APP: variants seen among roughly 807,000 people sequenced by gnomAD.
APP encodes the protein amyloid-beta precursor protein.
A neutral mutation model predicts 101.4 loss-of-function variants in APP; 31 were observed. That is an observed-to-expected ratio of 0.31 (90% CI 0.23 to 0.41). The LOEUF (loss-of-function observed/expected upper bound fraction) is 0.41, where lower values mean the gene tolerates loss of function less well. Ranked by LOEUF, APP falls within the 10% of genes least tolerant of loss-of-function variation. The pLI is 1.00. For missense variants in APP, 839 were observed against 1,003.7 expected, an observed-to-expected ratio of 0.84 and a Z score of 2.22; for synonymous variants, 366 against 364.4, an observed-to-expected ratio of 1.00 and a Z score of -0.05.
At chr21:26,011,544 T>C (rs921667548) in intron 6 of APP, among the ~76,000 whole-genome samples, 4 of 151,982 alleles carry the variant, frequency 2.6e-5, no homozygotes, top group Non-Finnish European at 4.4e-5. Context: ...CAGCTAAACA[T>C]CCTACAATGC....
At chr21:26,097,781 T>A (rs144008566) in intron 2 of APP, among the ~76,000 whole-genome samples, 22 of 152,268 alleles carry the variant, frequency 1.4e-4, no homozygotes, top group Non-Finnish European at 3.1e-4. Context: ...GTACATGAAA[T>A]AATTTTAAGA....
At chr21:25,998,475 C>T (rs952296128) in intron 7 of APP, among the ~76,000 whole-genome samples, 2 of 151,838 alleles carry the variant, frequency 1.3e-5, no homozygotes, top group Non-Finnish European at 1.5e-5. Context: ...CATTCACTGG[C>T]GATGGCAGGA....
chr21:26,058,418 T>C (rs1053952395), intron 3 of APP, among the ~76,000 whole-genome samples: 1 of 152,202 alleles, frequency 6.6e-6, no homozygotes, highest in South Asian at 2.1e-4. Context: ...GGAATTCTTT[T>C]AGAAAGGAAA....
chr21:25,969,905 A>AGGGAGGGGAGGGGAGGGGAAGGGAGGG, intron 11 of APP, among the ~76,000 whole-genome samples: 1 of 79,442 alleles, frequency 1.3e-5, no homozygotes. Context: ...AGAGAAGAGA[A>AGGGAGGGGAGGGGAGGGGAAGGGAGGG]GAGGGGAGGG....
At chr21:26,024,312 G>GA (rs926377354) in intron 5 of APP, among the ~76,000 whole-genome samples, 109 of 140,456 alleles carry the variant, frequency 7.8e-4, no homozygotes, top group African/African-American at 2.7e-3. Context: ...TACCCAGAAG[G>GA]AAAAAAAAAA....
At chr21:26,132,423 C>T (rs193153883) in intron 1 of APP, among the ~76,000 whole-genome samples, 1 of 152,284 alleles carries the variant, frequency 6.6e-6, no homozygotes, top group East Asian at 1.9e-4. Context: ...TCAAAATCTA[C>T]AAAAAGAACA....
chr21:25,989,482 G>T (rs1230893892), intron 8 of APP, among the ~76,000 whole-genome samples: 3 of 152,128 alleles, frequency 2.0e-5, no homozygotes, highest in African/African-American at 4.8e-5. Flanking sequence ...AATGGACTCA[G>T]GACACAAAAG....
At chr21:26,045,353 G>A (rs529998411) in intron 5 of APP, among the ~76,000 whole-genome samples, 140 of 152,182 alleles carry the variant, frequency 9.2e-4, no homozygotes, top group African/African-American at 3.0e-3. Context: ...TTTGTAAGAC[G>A]GATATATTTC....
At chr21:26,055,381 G>A (rs573597736) in intron 3 of APP, among the ~76,000 whole-genome samples, 1 of 152,246 alleles carries the variant, frequency 6.6e-6, no homozygotes, top group African/African-American at 2.4e-5. Context: ...TAATGCAAAT[G>A]ATACCACATT....
intron 1 of APP, chr21:26,169,163 C>A (rs2146408698): frequency 6.6e-6 from 1 of 152,360 alleles, no homozygotes; most frequent in East Asian, 1.9e-4. Flanking sequence ...TCATTGTGCA[C>A]AGGCGTTAGC....
At position 26,051,161 on chromosome 21, in the gene APP, G is replaced by A; in HGVS notation, c.501C>T (p.Asp167=). The A allele has an allele frequency of 1.2e-6, 2 of 1,614,088 alleles. No individual in the cohort carries two copies. The highest frequency in any genetic ancestry group is 1.7e-6 in the Non-Finnish European group (2 of 1,180,000). The change falls in exon 5 of 18, where the codon GAC becomes GAT. Residue 167 remains aspartate (D), a synonymous_variant. Transcript: ENST00000346798. Reference sequence around the variant, plus strand: ...TTCCGCAGGGCAGCAACATGCCGTAGTCATGCAAGTTGGTACTCTTCTCAC... The same window carrying A: ...TTCCGCAGGGCAGCAACATGCCGTAATCATGCAAGTTGGTACTCTTCTCAC... The part of the protein sequence containing the change: ...TCSEKSTNLH[D]YGMLLPCGID...
chr21:25,982,503 T>G (rs1196481356), intron 8 of APP, 26 bp from the exon 9 acceptor site: 2 of 1,609,658 alleles, frequency 1.2e-6, no homozygotes, highest in Admixed American at 3.4e-5. Flanking sequence ...GAAGGAGGTT[T>G]GAGAAAAAAA....
intron 3 of APP, among the ~76,000 whole-genome samples, chr21:26,077,189 A>T (rs1032175926): frequency 2.0e-5 from 3 of 152,168 alleles, no homozygotes; most frequent in African/African-American, 7.2e-5. Flanking sequence ...TCTCCATAAC[A>T]AGAGGAGGTC....
intron 1 of APP, among the ~76,000 whole-genome samples, chr21:26,142,665 A>G (rs1244037695): frequency 6.6e-6 from 1 of 152,100 alleles, no homozygotes; most frequent in Non-Finnish European, 1.5e-5. Context: ...GCTACTCAGG[A>G]GGCTGAGGTG....
At chr21:26,088,518 C>G (rs1183518713) in intron 3 of APP, among the ~76,000 whole-genome samples, 1 of 152,168 alleles carries the variant, frequency 6.6e-6, no homozygotes, top group East Asian at 1.9e-4. Flanking sequence ...AAATCATTAA[C>G]AAAGCCTGGC....
chr21:25,915,122 AT>A (rs2039289804), intron 13 of APP, among the ~76,000 whole-genome samples: 1 of 152,160 alleles, frequency 6.6e-6, no homozygotes, highest in Non-Finnish European at 1.5e-5. Context: ...CCCACCCCGT[AT>A]TTCTAGCCAT....
intron 8 of APP, among the ~76,000 whole-genome samples, chr21:25,995,217 T>C (rs1427745890): frequency 6.6e-5 from 10 of 152,224 alleles, no homozygotes; most frequent in African/African-American, 2.4e-4. Flanking sequence ...TTCTTATAAA[T>C]GCTAAAATGA....
At chr21:26,162,681 A>G in intron 1 of APP, among the ~76,000 whole-genome samples, 1 of 151,540 alleles carries the variant, frequency 6.6e-6, no homozygotes, top group East Asian at 1.9e-4. Context: ...GCAAAGCAGC[A>G]AGAGTAATAA....
At chr21:25,928,213 G>A (rs976185981) in intron 13 of APP, among the ~76,000 whole-genome samples, 63 of 152,074 alleles carry the variant, frequency 4.1e-4, no homozygotes, top group Admixed American at 4.1e-3. Flanking sequence ...CATGGTGCAG[G>A]CGCCTGTAGT....
Sources: gnomAD v4.1 joint callset for allele counts (sites outside exome capture counted in the v4.1 genomes callset) on GRCh38, gnomAD v4.1.1 for gene constraint, MANE v1.5 for transcripts, NCBI Gene and HGNC (gene_info 2026-07-23, HGNC 2026-07-21) for gene names.